The following DNAH3 variants were observed in gnomAD, a reference collection of about 807,000 sequenced individuals.
The protein encoded by DNAH3 is dynein axonemal heavy chain 3.
A neutral mutation model predicts 432.5 loss-of-function variants in DNAH3; 332 were observed. That is an observed-to-expected ratio of 0.77 (90% confidence interval 0.70 to 0.84). The LOEUF (loss-of-function observed/expected upper bound fraction) is 0.84, where lower values mean the gene tolerates loss of function less well. Among genes scored for constraint, DNAH3 ranks in the 40% least tolerant of loss-of-function variants. The probability of loss-of-function intolerance (pLI) is 0.00; values close to 1 mark genes in which losing one functional copy is unlikely to be tolerated. For missense variants in DNAH3, 4,861 were observed against 5,114.0 expected, an observed-to-expected ratio of 0.95 and a Z score of 1.51; for synonymous variants, 1,956 against 1,900.2, an observed-to-expected ratio of 1.03 and a Z score of -0.76.
At chr16:21,092,296 C>G (rs949151354) in intron 18 of DNAH3, among the ~76,000 whole-genome samples, 4 of 152,038 alleles carry the variant, frequency 2.6e-5, no homozygotes, top group African/African-American at 9.7e-5. Context: ...ATACATAACC[C>G]ATCCAAAAAT....
exon 3 of DNAH3, chr16:21,145,371 C>T (rs770450928): frequency 6.2e-7 from 1 of 1,614,130 alleles, no homozygotes; most frequent in Non-Finnish European, 8.5e-7. Context: ...ACGTGCGTTG[C>T]ATCAAGGGCG....
At chr16:20,994,563 C>T (rs185531491) in intron 44 of DNAH3, among the ~76,000 whole-genome samples, 457 of 152,298 alleles carry the variant, frequency 3.0e-3, no homozygotes, top group Non-Finnish European at 4.8e-3. Context: ...TTCACGTTGT[C>T]GTGCAACCAT....
intron 19 of DNAH3, 133 bp from the exon 20 acceptor site, chr16:21,081,860 G>A: frequency 2.5e-5 from 15 of 610,722 alleles, no homozygotes; most frequent in Non-Finnish European, 3.6e-5. Flanking sequence ...GGTGGCTGTT[G>A]AGCACCAGAG....
At chr16:20,941,738 C>A (rs1328231883) in intron 58 of DNAH3, among the ~76,000 whole-genome samples, 195 bp from the exon 59 acceptor site, 2 of 150,730 alleles carry the variant, frequency 1.3e-5, no homozygotes, top group Non-Finnish European at 2.9e-5. Flanking sequence ...TTGGGGAGGG[C>A]ATCGCCTCTT....
chr16:20,968,475 T>C (rs1224498740), intron 52 of DNAH3, among the ~76,000 whole-genome samples: 1 of 152,220 alleles, frequency 6.6e-6, no homozygotes, highest in Non-Finnish European at 1.5e-5. Flanking sequence ...AGGTGATTTT[T>C]AAAGTCACTG....
exon 13 of DNAH3, chr16:21,112,062 C>T (rs776183621): frequency 1.2e-6 from 2 of 1,613,288 alleles, no homozygotes; most frequent in Admixed American, 3.3e-5. Flanking sequence ...CCGTGTTATC[C>T]AATAAGTCAA....
chr16:21,027,431 C>T (rs1482225269), intron 37 of DNAH3, among the ~76,000 whole-genome samples: 1 of 152,084 alleles, frequency 6.6e-6, no homozygotes, highest in African/African-American at 2.4e-5. Flanking sequence ...TGCATCTACA[C>T]ATACATATAT....
chr16:20,964,309 A>G (rs2084952998), exon 53 of DNAH3: 2 of 1,614,226 alleles, frequency 1.2e-6, no homozygotes, highest in East Asian at 4.5e-5. Flanking sequence ...CATGAAGTTG[A>G]GGAGACAGAC....
intron 47 of DNAH3, 33 bp from the exon 48 acceptor site, chr16:20,985,748 A>G (rs1176897905): frequency 6.3e-7 from 1 of 1,595,408 alleles, no homozygotes; most frequent in South Asian, 1.1e-5. Flanking sequence ...CGGGGCATTC[A>G]GTGAATGGCC....
chr16:21,042,508 T>G (rs2152734206), intron 31 of DNAH3, among the ~76,000 whole-genome samples: 1 of 152,224 alleles, frequency 6.6e-6, no homozygotes, highest in African/African-American at 2.4e-5. Flanking sequence ...GATCAGGGAT[T>G]TTTATATTTC....
Position 21,067,354 on chromosome 16 carries a change from GGCTTCTTGAA to G in DNAH3, c.3437_3446del (p.Leu1146ProfsTer12). On this transcript the variant is annotated frameshift_variant, in exon 24 of 62. Coordinates refer to ENST00000261383, the Ensembl canonical transcript of DNAH3. LOFTEE classifies it high-confidence loss of function. ...TCTGGATGTCCTCCAAGAGAAAGTT[GGCTTCTTGAA>G]GCTTCTCTGCCATCCGTGGCTGGTC... is the stretch of plus-strand genomic sequence containing the variant. The G allele has an allele frequency of 6.2e-7, 1 of 1,613,956 alleles. No homozygotes were observed. Among genetic ancestry groups the G allele is most frequent in the Non-Finnish European group, 8.5e-7 (1 of 1,179,908 alleles).
chr16:21,065,787 T>C (rs1156690558), intron 24 of DNAH3, among the ~76,000 whole-genome samples: 1 of 152,112 alleles, frequency 6.6e-6, no homozygotes, highest in Non-Finnish European at 1.5e-5. Flanking sequence ...CATTGGATAA[T>C]GCTGAATTGA....
intron 52 of DNAH3, among the ~76,000 whole-genome samples, chr16:20,969,122 T>TG (rs1567550195): frequency 1.6e-5 from 2 of 128,904 alleles, no homozygotes; most frequent in African/African-American, 6.0e-5. Flanking sequence ...GTGTGTGTGT[T>TG]TCCCTGTCTC....
intron 52 of DNAH3, among the ~76,000 whole-genome samples, chr16:20,966,908 G>A (rs950450): frequency 2.6e-5 from 4 of 152,166 alleles, no homozygotes; most frequent in East Asian, 1.9e-4. Context: ...AAGCCAGGCC[G>A]TTATTCCCCT....
chr16:20,985,729 A>G lies in DNAH3; in HGVS notation c.7027-14T>C, dbSNP rs1237408002. 1.2e-6 allele frequency: 2 copies of G among 1,606,904 alleles called. No homozygotes were observed. The highest frequency in any genetic ancestry group is 1.7e-6 in the Non-Finnish European group (2 of 1,175,186). ...GTGGATAAGCACCTGTAAGAAAAGT[A>G]AATCTCGGCGGGGCATTCAGTGAAT... On this transcript the variant is annotated splice_polypyrimidine_tract_variant and intron_variant, in intron 47 of 61. Transcript: ENST00000261383.
intron 27 of DNAH3, among the ~76,000 whole-genome samples, chr16:21,056,432 C>T (rs1243342794): frequency 1.4e-5 from 2 of 139,932 alleles, no homozygotes; most frequent in Non-Finnish European, 3.1e-5. Flanking sequence ...AACCCTCCCT[C>T]CCTCCCTGCC....
At chr16:20,938,130 G>A (rs1002111508) in intron 59 of DNAH3, among the ~76,000 whole-genome samples, 3 of 152,148 alleles carry the variant, frequency 2.0e-5, no homozygotes, top group East Asian at 1.9e-4. Context: ...GGGGGCTCAC[G>A]CCTGTAATCC....
At chr16:21,067,177 G>T in intron 24 of DNAH3, 106 bp downstream of exon 24, 1 of 1,235,304 alleles carries the variant, frequency 8.1e-7, no homozygotes, top group Non-Finnish European at 1.2e-6. Context: ...AACCAGGAAA[G>T]AGTATGGACT....
At chr16:21,109,971 T>C (rs2092033661) in intron 14 of DNAH3, among the ~76,000 whole-genome samples, 1 of 152,138 alleles carries the variant, frequency 6.6e-6, no homozygotes, top group East Asian at 1.9e-4. Flanking sequence ...CTTGAACTCC[T>C]GGGCTCAAGC....
Sources: allele counts gnomAD v4.1 joint callset (sites outside exome capture counted in the v4.1 genomes callset), GRCh38; gene constraint gnomAD v4.1.1; transcripts MANE v1.5; gene names NCBI Gene and HGNC (gene_info 2026-07-23, HGNC 2026-07-21).